Variants in AGO3 observed in about 807,000 individuals in gnomAD.
AGO3 encodes the protein protein argonaute-3.
AGO3 carries 16 observed loss-of-function variants against 105.5 expected under a neutral mutation model. That is an observed-to-expected ratio of 0.15 (90% CI 0.10 to 0.23). The LOEUF (loss-of-function observed/expected upper bound fraction) is 0.23. Among genes scored for constraint, AGO3 ranks in the 10% least tolerant of loss-of-function variants. The probability of loss-of-function intolerance (pLI) is 1.00; values close to 1 mark genes in which losing one functional copy is unlikely to be tolerated. For missense variants in AGO3, 534 were observed against 1,088.0 expected (o/e 0.49, Z 7.16); for synonymous variants, 340 against 367.3 (o/e 0.93, Z 0.85).
chr1:35,993,131 G>A (rs181853606), intron 5 of AGO3, among the ~76,000 whole-genome samples: 163 of 152,234 alleles, frequency 1.1e-3, no homozygotes, highest in Non-Finnish European at 1.8e-3. Context: ...TTAATGTTCA[G>A]TATGGGAAGG....
intron 3 of AGO3, among the ~76,000 whole-genome samples, chr1:35,967,663 C>T (rs989262427): frequency 6.6e-6 from 1 of 152,088 alleles, no homozygotes; most frequent in Non-Finnish European, 1.5e-5. Flanking sequence ...GTAATCCACC[C>T]AGCTCAACCT....
chr1:36,034,096 ATAG>A, intron 12 of AGO3, 75 bp from the exon 13 acceptor site: 1 of 1,346,262 alleles, frequency 7.4e-7, no homozygotes, highest in Non-Finnish European at 9.7e-7. Context: ...AGGGGGAAAC[ATAG>A]TAGCTTTATT....
rs904237315 is a variant in AGO3, at chr1:36,065,079, A to G, written c.*9334A>G. On this transcript the variant is annotated 3_prime_UTR_variant, in exon 19 of 19. Coordinates refer to ENST00000373191, the MANE Select transcript of AGO3 (RefSeq NM_024852.4). ...CTACTGGGAAGGCCGAGGCAGGAGA[A>G]TGGCTTGAACCCAGGAGGCGGAGGT... The G allele has an allele frequency of 2.0e-5, 3 of 151,940 alleles. No individual in the cohort carries two copies. The highest frequency in any genetic ancestry group is 2.9e-5 in the Non-Finnish European group (2 of 68,108). The allele number at this position is 151,940 out of a possible 1,614,324, so 9.4% of individuals were successfully genotyped here. A position where few individuals can be genotyped will look rare whatever the true frequency, so the allele number is the denominator to read the frequency against.
In AGO3 at chr1:35,967,204, T is replaced by C. The variant is rs193002193; in HGVS notation, c.312+129T>C. ...ATCACTGATTGTTTTTAACTTTTTG[T>C]TTTGAAATAATTTCAAACTTAAAGA... On this transcript the variant is annotated intron_variant, in intron 3 of 18. Transcript: ENST00000373191. 1.1e-3 allele frequency: 1,352 copies of C among 1,273,552 alleles called. 3 individuals carry two copies. Among genetic ancestry groups the C allele is most frequent in the Non-Finnish European group, 1.3e-3 (1,227 of 964,882 alleles). The allele number at this position is 1,273,552 out of a possible 1,614,324, so 78.9% of individuals were successfully genotyped here. A position where few individuals can be genotyped will look rare whatever the true frequency, so the allele number is the denominator to read the frequency against.
At chr1:35,962,326 G>A (rs1048036053) in intron 2 of AGO3, among the ~76,000 whole-genome samples, 2 of 152,036 alleles carry the variant, frequency 1.3e-5, no homozygotes, top group African/African-American at 4.8e-5. Context: ...GGTGGATCAC[G>A]AGGTCAGGAG....
chr1:36,031,025 T>C (rs1641750241), intron 12 of AGO3, among the ~76,000 whole-genome samples: 2 of 152,212 alleles, frequency 1.3e-5, no homozygotes, highest in Admixed American at 6.5e-5. Flanking sequence ...ATTTCACTTA[T>C]CCATAAGCTA....
chr1:35,983,999 GA>G (rs764175206), intron 5 of AGO3, among the ~76,000 whole-genome samples: 17 of 152,240 alleles, frequency 1.1e-4, no homozygotes, highest in Admixed American at 4.6e-4. Flanking sequence ...TGAAACTATA[GA>G]AGTGGAAAAA....
chr1:35,970,954 C>T (rs1453822103), intron 3 of AGO3, among the ~76,000 whole-genome samples: 5 of 150,566 alleles, frequency 3.3e-5, no homozygotes, highest in Non-Finnish European at 7.4e-5. Flanking sequence ...TTAAAATTCC[C>T]TGGCTCAAGC....
intron 13 of AGO3, among the ~76,000 whole-genome samples, chr1:36,035,930 G>T (rs1038675803): frequency 6.6e-6 from 1 of 151,698 alleles, no homozygotes; most frequent in African/African-American, 2.4e-5. Flanking sequence ...CTACTTGGGA[G>T]GCTAAGGCAG....
intron 14 of AGO3, among the ~76,000 whole-genome samples, chr1:36,039,492 CAA>C (rs1048314282): frequency 3.8e-4 from 21 of 55,630 alleles, no homozygotes; most frequent in South Asian, 2.1e-3. Context: ...GACTGCGTCT[CAA>C]AAAAAAAAAA....
At chr1:35,948,070 AAAAT>A (rs1271198338) in intron 2 of AGO3, among the ~76,000 whole-genome samples, 1 of 152,144 alleles carries the variant, frequency 6.6e-6, no homozygotes, top group Non-Finnish European at 1.5e-5. Flanking sequence ...ACATATCTAA[AAAAT>A]AAATAAATAA....
intron 16 of AGO3, among the ~76,000 whole-genome samples, chr1:36,042,354 G>A (rs543374827): frequency 6.6e-5 from 10 of 152,290 alleles, no homozygotes; most frequent in African/African-American, 2.4e-4. Flanking sequence ...CAAAGTGCTA[G>A]GATTATAGGT....
intron 17 of AGO3, among the ~76,000 whole-genome samples, chr1:36,043,930 T>A (rs907595357): frequency 6.6e-6 from 1 of 151,892 alleles, no homozygotes; most frequent in Non-Finnish European, 1.5e-5. Context: ...ACTCTTGGGC[T>A]CAAGCAGTCC....
chr1:36,029,412 TGAGA>T (rs1641661910), intron 12 of AGO3, among the ~76,000 whole-genome samples: 2 of 147,568 alleles, frequency 1.4e-5, no homozygotes, highest in East Asian at 2.0e-4. Context: ...TTTTTTTTTT[TGAGA>T]GAGAGTCTCG....
intron 2 of AGO3, among the ~76,000 whole-genome samples, chr1:35,952,005 AG>A (rs1646477917): frequency 6.6e-6 from 1 of 152,190 alleles, no homozygotes; most frequent in Non-Finnish European, 1.5e-5. Flanking sequence ...CCTCTCAAAA[AG>A]AAACCCCATA....
intron 5 of AGO3, among the ~76,000 whole-genome samples, chr1:35,987,396 G>A (rs1647230548): frequency 6.6e-6 from 1 of 151,686 alleles, no homozygotes; most frequent in South Asian, 2.1e-4. Context: ...GGGAGGCTGA[G>A]GCAGGAGAAT....
chr1:36,036,661 G>C (rs1642022363), intron 14 of AGO3, among the ~76,000 whole-genome samples: 1 of 151,816 alleles, frequency 6.6e-6, no homozygotes. Context: ...CTTCATCCAG[G>C]TCAATACTTT....
At chr1:35,993,635 GATTTCACTAGTGAGTTTTTTCTATA>G (rs1225253213) in intron 5 of AGO3, among the ~76,000 whole-genome samples, 3 of 150,190 alleles carry the variant, frequency 2.0e-5, no homozygotes, top group Non-Finnish European at 4.4e-5. Context: ...AGTCCCAAAT[GATTTCACTAGTGAGTTTTTTCTATA>G]ATGTAAGGAA....
chr1:36,016,532 A>T (rs1175377534), intron 11 of AGO3, among the ~76,000 whole-genome samples: 1 of 152,120 alleles, frequency 6.6e-6, no homozygotes, highest in Non-Finnish European at 1.5e-5. Flanking sequence ...AACTTAAAAG[A>T]TGTAAGGAGG....
Sources: allele counts gnomAD v4.1 joint callset (sites outside exome capture counted in the v4.1 genomes callset), GRCh38; gene constraint gnomAD v4.1.1; transcripts MANE v1.5; gene names NCBI Gene and HGNC (gene_info 2026-07-23, HGNC 2026-07-21).